Variants in NPC1 observed in about 807,000 individuals in gnomAD.
The protein encoded by NPC1 is NPC intracellular cholesterol transporter 1, also known as Niemann-Pick C1 protein.
A neutral mutation model predicts 140.4 loss-of-function variants in NPC1; 85 were observed. That is an observed-to-expected ratio of 0.61 (90% CI 0.51 to 0.72). The LOEUF is 0.72. NPC1 is among the 30% of genes least tolerant of loss of function. The pLI is 0.00. For missense variants in NPC1, 1,504 were observed against 1,623.8 expected, an observed-to-expected ratio of 0.93 and a Z score of 1.27; for synonymous variants, 656 against 624.8, an observed-to-expected ratio of 1.05 and a Z score of -0.74.
At chr18:23,537,863 T>C (rs1598941348) in intron 20 of NPC1, among the ~76,000 whole-genome samples, 1 of 152,308 alleles carries the variant, frequency 6.6e-6, no homozygotes, top group Non-Finnish European at 1.5e-5. Context: ...ATGCATGATA[T>C]AAATGATTCA....
intron 1 of NPC1, among the ~76,000 whole-genome samples, chr18:23,585,867 C>T (rs927077233): frequency 5.3e-5 from 8 of 152,214 alleles, no homozygotes. Context: ...CTCTTTACCT[C>T]TGCTTCCACC....
intron 6 of NPC1, among the ~76,000 whole-genome samples, chr18:23,558,529 A>T (rs2058988080): frequency 6.6e-6 from 1 of 152,248 alleles, no homozygotes; most frequent in African/African-American, 2.4e-5. Context: ...AGGCCAGAAA[A>T]GGAAAGACTG....
In NPC1 at chr18:23,532,291, G is replaced by C. The variant is rs2145326430; in HGVS notation, c.3755-7C>G. 2 of 1,613,912 alleles carry C rather than the reference G, an allele frequency of 1.2e-6. No homozygotes were observed. Among genetic ancestry groups the C allele is most frequent in the Non-Finnish European group, 1.7e-6 (2 of 1,179,888 alleles). On this transcript the variant is annotated splice_polypyrimidine_tract_variant and splice_region_variant and intron_variant, in intron 24 of 24. Transcript: ENST00000269228. The stretch of plus-strand genomic sequence containing the variant: ...GCTTTATTTACTGATGGCCCTATGA[G>C]AGAGAGAGACTTTTTCTTATTTCTG...
intron 2 of NPC1, among the ~76,000 whole-genome samples, chr18:23,573,099 C>G (rs1347075433): frequency 6.6e-6 from 1 of 152,194 alleles, no homozygotes; most frequent in East Asian, 1.9e-4. Context: ...CACTTAGCAA[C>G]AGAGTCCATT....
chr18:23,572,579 C>T (rs2145546966), intron 2 of NPC1, among the ~76,000 whole-genome samples: 1 of 152,282 alleles, frequency 6.6e-6, no homozygotes, highest in East Asian at 1.9e-4. Context: ...CATGCCTGTA[C>T]TCCCAGTACT....
chr18:23,520,212 T>TA, downstream of NPC1: 1 of 1,613,820 alleles, frequency 6.2e-7, no homozygotes, highest in Non-Finnish European at 8.5e-7. Flanking sequence ...ACATCGGTAA[T>TA]ATTCGATATC....
In NPC1 at chr18:23,561,027, A is replaced by G. The variant is rs368828855; in HGVS notation, c.631+333T>C. 3.6e-4 allele frequency among the ~76,000 whole-genome samples: 55 copies of G among 152,324 alleles called. No homozygotes were observed. The East Asian group carries it at 5.6e-3, about 15-fold the overall frequency. ...TCAACTAAGATTCATTCATTCATTC[A>G]TGGAGAGACAGGGCTTTGCCCTCAC... On this transcript the variant is annotated intron_variant, in intron 5 of 24. Transcript: ENST00000269228.
At chr18:23,539,195 C>G (rs1353808873) in intron 19 of NPC1, among the ~76,000 whole-genome samples, 160 bp downstream of exon 19, 2 of 152,306 alleles carry the variant, frequency 1.3e-5, no homozygotes, top group East Asian at 3.9e-4. Flanking sequence ...AACAACATGA[C>G]AATTTCAGAA....
intron 19 of NPC1, 87 bp from the exon 20 acceptor site, chr18:23,538,758 A>T (rs531274533): frequency 7.2e-7 from 1 of 1,382,146 alleles, no homozygotes; most frequent in Non-Finnish European, 1.0e-6. Context: ...AGTGAGGGGC[A>T]TTACTTTCTT....
At chr18:23,519,792 G>C (rs1387835565), downstream of NPC1, among the ~76,000 whole-genome samples, 3 of 152,162 alleles carry the variant, frequency 2.0e-5, no homozygotes, top group Non-Finnish European at 4.4e-5. Context: ...GGGGGATAAT[G>C]GTTTTGAGGC....
downstream of NPC1, chr18:23,529,820 G>A: frequency 1.7e-6 from 2 of 1,187,364 alleles, no homozygotes; most frequent in Non-Finnish European, 1.2e-6. Flanking sequence ...CTGCCTCCCT[G>A]ACTCAGAATG....
At chr18:23,524,569 A>G, downstream of NPC1, 1 of 1,387,616 alleles carries the variant, frequency 7.2e-7, no homozygotes, top group Non-Finnish European at 1.0e-6. Context: ...TTTCAAGGTG[A>G]ATCTCTTAGA....
At chr18:23,515,793 A>C in intron 3 of NPC1, 1 of 1,603,608 alleles carries the variant, frequency 6.2e-7, no homozygotes, top group Non-Finnish European at 8.5e-7. Context: ...TTAGCCTCCC[A>C]AAGTGCTGGG....
intron 4 of NPC1, among the ~76,000 whole-genome samples, chr18:23,565,617 G>C (rs1313129426): frequency 1.3e-5 from 2 of 152,176 alleles, no homozygotes. Flanking sequence ...GCCTTCCAAA[G>C]TGCTTGGATT....
chr18:23,529,590 T>C (rs1567935755), downstream of NPC1: 1 of 1,524,126 alleles, frequency 6.6e-7, no homozygotes, highest in Non-Finnish European at 9.1e-7. Context: ...GCAGCCTCTT[T>C]TGCACCTCGT....
At chr18:23,566,600 A>G (rs2059128373) in intron 4 of NPC1, among the ~76,000 whole-genome samples, 2 of 150,900 alleles carry the variant, frequency 1.3e-5, no homozygotes, top group Non-Finnish European at 1.5e-5. Flanking sequence ...AAATACTTAC[A>G]CACACACACA....
intron 1 of NPC1, chr18:23,576,534 G>A (rs978272020): frequency 3.0e-6 from 3 of 1,006,126 alleles, no homozygotes; most frequent in Non-Finnish European, 3.5e-6. Flanking sequence ...TCTTCACATT[G>A]TGTCCGGAAT....
At chr18:23,567,673 T>TAG (rs1487434138) in intron 4 of NPC1, among the ~76,000 whole-genome samples, 1 of 152,222 alleles carries the variant, frequency 6.6e-6, no homozygotes, top group Non-Finnish European at 1.5e-5. Context: ...TATATGCATT[T>TAG]AGAGTTTCTC....
rs772150994 is a variant in NPC1, at chr18:23,544,950, C to CCCCCG, written c.1947+9_1947+10insCGGGG. 7.4e-5 allele frequency: 105 copies of CCCCCG among 1,415,932 alleles called. 1 individual carries two copies. The highest frequency in any genetic ancestry group is 2.8e-4 in the Admixed American group (16 of 57,426). 87.7% of individuals were successfully genotyped at this position (1,415,932 alleles called of 1,614,324 possible). On this transcript the variant is annotated intron_variant, in intron 12 of 24. Coordinates refer to ENST00000269228, the MANE Select transcript of NPC1 (RefSeq NM_000271.5). ...ACCTCTAGAACATACACCACCCCCC[C>CCCCCG]CCGGCTTACCAGAAGCCTGCGACAG...
Sources: allele counts gnomAD v4.1 joint callset (sites outside exome capture counted in the v4.1 genomes callset), GRCh38; gene constraint gnomAD v4.1.1; transcripts MANE v1.5; gene names NCBI Gene and HGNC (gene_info 2026-07-23, HGNC 2026-07-21).